FSIP1: variants seen among roughly 807,000 people sequenced by gnomAD.
FSIP1 encodes fibrous sheath-interacting protein 1.
Under a neutral mutation model 60.9 loss-of-function variants are expected in FSIP1, and 65 were observed. The observed-to-expected ratio is 1.07, with a 90% CI of 0.87 to 1.31. The LOEUF (loss-of-function observed/expected upper bound fraction) is 1.31, where lower values mean the gene tolerates loss of function less well. Ranked by LOEUF, FSIP1 falls within the 40% of genes most tolerant of loss-of-function variation. FSIP1 has a pLI of 0.00. For synonymous variants in FSIP1, 209 were observed against 221.2 expected (o/e 0.94, Z 0.49); for missense variants, 675 against 665.5 (o/e 1.01, Z -0.16).
chr15:39,667,632 ACCTCC>A (rs1893549507), intron 10 of FSIP1, among the ~76,000 whole-genome samples: 1 of 152,004 alleles, frequency 6.6e-6, no homozygotes, highest in African/African-American at 2.4e-5. Flanking sequence ...ACACATTATT[ACCTCC>A]CATGAGCAGT....
chr15:39,660,067 A>G (rs1296295317), intron 10 of FSIP1, among the ~76,000 whole-genome samples: 4 of 152,194 alleles, frequency 2.6e-5, no homozygotes, highest in Non-Finnish European at 4.4e-5. Flanking sequence ...AACTAACTCC[A>G]GGGGCAAGAA....
rs77885032 is a variant in FSIP1 at position 39,670,655 on chromosome 15, G to A, written c.1188+42789C>T. Among the ~76,000 whole-genome samples the A allele has an allele frequency of 7.5e-3, 1,140 of 152,280 alleles. 25 individuals carry two copies. The highest frequency in any genetic ancestry group is 0.026 in the African/African-American group (1,088 of 41,554). The stretch of plus-strand genomic sequence containing the variant: ...CCTACTTATTTCATAGGCAGAAACA[G>A]CTGCCAGGTTTTGGTCAACTGCTGT... On this transcript the variant is annotated intron_variant, in intron 10 of 11. Transcript: ENST00000350221.
intron 8 of FSIP1, among the ~76,000 whole-genome samples, chr15:39,733,877 A>G (rs1241278306): frequency 6.6e-6 from 1 of 152,196 alleles, no homozygotes; most frequent in Non-Finnish European, 1.5e-5. Flanking sequence ...TCACTCCTGG[A>G]TTTCTTGTTA....
At position 39,629,984 on chromosome 15, in the gene FSIP1, CAGAG is replaced by C. The variant is rs1158671005; in HGVS notation, c.1189-11743_1189-11740del. 9.8e-5 allele frequency among the ~76,000 whole-genome samples: 15 copies of C among 152,316 alleles called. No homozygotes were observed. In the East Asian group the frequency reaches 2.9e-3, roughly 29 times the overall value. ...AACTCCACATTTAACTTGTTAATCA[CAGAG>C]AGCTTTTTCTGGTCACAAATGGGTG... On this transcript the variant is annotated intron_variant, in intron 10 of 11. Coordinates refer to ENST00000350221, the MANE Select transcript of FSIP1 (RefSeq NM_152597.5).
chr15:39,702,075 C>T (rs1296534916), intron 10 of FSIP1, among the ~76,000 whole-genome samples: 2 of 152,124 alleles, frequency 1.3e-5, no homozygotes, highest in Non-Finnish European at 2.9e-5. Context: ...TCATGGGGGA[C>T]TTCTCTTTTC....
intron 10 of FSIP1, among the ~76,000 whole-genome samples, chr15:39,681,129 GA>G (rs533674912): frequency 1.1e-4 from 17 of 148,440 alleles, no homozygotes; most frequent in Admixed American, 2.0e-4. Flanking sequence ...CTGTGAAGAA[GA>G]AAAAAAAAAT....
At position 39,600,711 on chromosome 15, in the gene FSIP1, C is replaced by T; in HGVS notation, c.*169G>A. On this transcript the variant is annotated 3_prime_UTR_variant, in exon 12 of 12. Coordinates refer to ENST00000350221, the MANE Select transcript of FSIP1 (RefSeq NM_152597.5). The stretch of plus-strand genomic sequence containing the variant: ...CAAAAACCACTGAACAATTACACCC[C>T]AAGTCTCAAAAATATCAAGGAAATA... 1 of 534,548 alleles carries T rather than the reference C, an allele frequency of 1.9e-6. No homozygotes were observed. Among genetic ancestry groups the T allele is most frequent in the Admixed American group, 3.9e-5 (1 of 25,348 alleles). The allele number at this position is 534,548 out of a possible 1,614,324, so 33.1% of individuals were successfully genotyped here.
intron 10 of FSIP1, among the ~76,000 whole-genome samples, chr15:39,660,279 G>A (rs1893246457): frequency 1.3e-5 from 2 of 152,168 alleles, no homozygotes; most frequent in African/African-American, 4.8e-5. Context: ...TGCCTAGAGA[G>A]AGGAAGAACA....
At chr15:39,644,266 A>G (rs1892495967) in intron 10 of FSIP1, among the ~76,000 whole-genome samples, 1 of 152,210 alleles carries the variant, frequency 6.6e-6, no homozygotes, top group Non-Finnish European at 1.5e-5. Flanking sequence ...AGGAAAATGC[A>G]TTAACTTCCA....
At chr15:39,697,721 A>T (rs1164329905) in intron 10 of FSIP1, among the ~76,000 whole-genome samples, 1 of 152,216 alleles carries the variant, frequency 6.6e-6, no homozygotes, top group South Asian at 2.1e-4. Flanking sequence ...CACTTCTCCT[A>T]CTTCTCAATA....
chr15:39,703,261 CG>C (rs1299516792), intron 10 of FSIP1, among the ~76,000 whole-genome samples: 1 of 152,078 alleles, frequency 6.6e-6, no homozygotes, highest in Non-Finnish European at 1.5e-5. Context: ...GGATTACAGG[CG>C]TGAGCCACCG....
intron 9 of FSIP1, among the ~76,000 whole-genome samples, chr15:39,714,456 T>C (rs927428442): frequency 6.6e-6 from 1 of 150,762 alleles, no homozygotes; most frequent in Admixed American, 6.7e-5. Flanking sequence ...ATCCTGCTAC[T>C]CCCTCATTCC....
At chr15:39,624,248 A>C (rs1235822440) in intron 10 of FSIP1, among the ~76,000 whole-genome samples, 2 of 152,214 alleles carry the variant, frequency 1.3e-5, no homozygotes, top group Admixed American at 1.3e-4. Flanking sequence ...AATTACTATG[A>C]AGTACGTAAC....
intron 10 of FSIP1, among the ~76,000 whole-genome samples, chr15:39,626,413 G>A (rs1012562450): frequency 1.3e-5 from 2 of 152,186 alleles, no homozygotes; most frequent in Admixed American, 6.5e-5. Context: ...TTGTACTGGT[G>A]CTGAAAGAAG....
intron 5 of FSIP1, chr15:39,747,454 C>T (rs1897037195): frequency 6.6e-6 from 1 of 152,150 alleles, no homozygotes; most frequent in South Asian, 2.1e-4. Flanking sequence ...GGTTATAATG[C>T]TCACAGATCA....
chr15:39,641,221 G>GA lies in FSIP1; in HGVS notation c.1189-22977dup, dbSNP rs570734258. On this transcript the variant is annotated intron_variant, in intron 10 of 11. Coordinates refer to ENST00000350221, the MANE Select transcript of FSIP1 (RefSeq NM_152597.5). ...AATTTTTCTATGCCTAATTCAAACTGAAAAAAAAAATGTTTTTTTAATTCC... is the reference window on the plus strand; with the variant it reads ...AATTTTTCTATGCCTAATTCAAACTGAAAAAAAAAAATGTTTTTTTAATTCC... Among the ~76,000 whole-genome samples, 533 of 147,962 alleles carry GA rather than the reference G, an allele frequency of 3.6e-3. 1 individual carries two copies. Among genetic ancestry groups the GA allele is most frequent in the Non-Finnish European group, 4.9e-3 (326 of 66,742 alleles).
chr15:39,675,702 A>G (rs541515648), intron 10 of FSIP1, among the ~76,000 whole-genome samples: 2 of 152,318 alleles, frequency 1.3e-5, no homozygotes, highest in East Asian at 3.9e-4. Context: ...CCCTACCTCA[A>G]TAAAAACTGA....
rs375460796 is a variant in FSIP1, at chr15:39,600,154, T to C, written c.*726A>G. ...ATCTTATGGAATGTCAACACAAAATTTTCTCATGAATCTAAGTTACTGACT... is the reference window on the plus strand; with the variant it reads ...ATCTTATGGAATGTCAACACAAAATCTTCTCATGAATCTAAGTTACTGACT... On this transcript the variant is annotated 3_prime_UTR_variant, in exon 12 of 12. Transcript: ENST00000350221. 48 of 152,302 alleles carry C rather than the reference T, an allele frequency of 3.2e-4. No homozygotes were observed. The highest frequency in any genetic ancestry group is 2.3e-3 in the East Asian group (12 of 5,186). 9.4% of individuals were successfully genotyped at this position (152,302 alleles called of 1,614,324 possible).
chr15:39,660,958 G>A (rs138643107), intron 10 of FSIP1, among the ~76,000 whole-genome samples: 2 of 152,300 alleles, frequency 1.3e-5, no homozygotes, highest in African/African-American at 4.8e-5. Flanking sequence ...AGCTACTCAG[G>A]AGGCCGAGGC....
Sources: gnomAD v4.1 joint callset for allele counts (sites outside exome capture counted in the v4.1 genomes callset) on GRCh38, gnomAD v4.1.1 for gene constraint, MANE v1.5 for transcripts, NCBI Gene and HGNC (gene_info 2026-07-23, HGNC 2026-07-21) for gene names.